DOCK1: variants seen among roughly 807,000 people sequenced by gnomAD.
DOCK1 encodes the protein dedicator of cytokinesis 1, also known as dedicator of cytokinesis protein 1.
DOCK1 carries 138 observed loss-of-function variants against 262.7 expected under a neutral mutation model. The observed-to-expected ratio is 0.53, with a 90% CI of 0.46 to 0.61. The LOEUF is 0.61. DOCK1 is among the 20% of genes least tolerant of loss of function. DOCK1 has a pLI of 0.00. For missense variants in DOCK1, 1,908 were observed against 2,370.7 expected (o/e 0.80, Z 4.05); for synonymous variants, 866 against 867.4 (o/e 1.00, Z 0.03).
chr10:127,160,379 C>A lies in DOCK1; in HGVS notation c.2847+32615C>A, dbSNP rs11016543. On this transcript the variant is annotated intron_variant, in intron 27 of 51. Transcript: ENST00000623213. Reference sequence around the variant, plus strand: ...CAATGGAAAGTTCTCTTCTCACATTCCTGGGTGACTGGATGGGGCATTTGT... The same window carrying A: ...CAATGGAAAGTTCTCTTCTCACATTACTGGGTGACTGGATGGGGCATTTGT... Among the ~76,000 whole-genome samples, 130 of 152,310 alleles carry A rather than the reference C, an allele frequency of 8.5e-4. 1 individual carries two copies. In the East Asian group the frequency reaches 0.019, roughly 22 times the overall value.
chr10:127,352,302 G>A (rs1225415613), intron 31 of DOCK1, among the ~76,000 whole-genome samples: 1 of 103,964 alleles, frequency 9.6e-6, no homozygotes, highest in Non-Finnish European at 2.0e-5. Flanking sequence ...GGGGAGGGGT[G>A]AAGAGGAGCG....
Position 127,409,140 on chromosome 10 carries a change from C to A in DOCK1, c.4226C>A (p.Ser1409Tyr). ...AACGCCGAGAAAATGAAGACAACAT[C>A]TCCACCAGGCGACGATATTAAAAAC... is the stretch of plus-strand genomic sequence containing the variant. ...FPNAEKMKTT[S>Y]PPGDDIKNSP... The change falls in exon 41 of 52, where the codon TCT (serine) becomes TAT (tyrosine). Residue 1409 changes from serine (S) to tyrosine (Y), a missense_variant. Physicochemically the swap from Ser to Tyr is moderately radical, Grantham distance 144. Transcript: ENST00000623213. 6.2e-7 allele frequency: 1 copy of A among 1,612,708 alleles called. No individual in the cohort carries two copies. The highest frequency in any genetic ancestry group is 8.5e-7 in the Non-Finnish European group (1 of 1,179,320).
At chr10:127,006,012 C>T (rs2040989265) in intron 10 of DOCK1, among the ~76,000 whole-genome samples, 1 of 152,206 alleles carries the variant, frequency 6.6e-6, no homozygotes, top group South Asian at 2.1e-4. Flanking sequence ...GCCTGTAGTC[C>T]TGTGATTCCA....
At chr10:126,962,571 A>C (rs1350337372) in intron 1 of DOCK1, among the ~76,000 whole-genome samples, 1 of 152,232 alleles carries the variant, frequency 6.6e-6, no homozygotes, top group African/African-American at 2.4e-5. Context: ...TGCTGGGATT[A>C]CAGGCATGAA....
chr10:127,208,211 C>T (rs1266328666), intron 27 of DOCK1, among the ~76,000 whole-genome samples: 1 of 152,140 alleles, frequency 6.6e-6, no homozygotes, highest in East Asian at 1.9e-4. Context: ...TGGGAATGCT[C>T]CAGTTATGGG....
intron 38 of DOCK1, among the ~76,000 whole-genome samples, chr10:127,390,685 A>C (rs942780191): frequency 6.6e-6 from 1 of 152,066 alleles, no homozygotes; most frequent in Non-Finnish European, 1.5e-5. Flanking sequence ...AACAGTGAGG[A>C]AGTGAATGAA....
intron 38 of DOCK1, among the ~76,000 whole-genome samples, chr10:127,398,042 C>G (rs1356806494): frequency 1.3e-5 from 2 of 152,122 alleles, no homozygotes; most frequent in East Asian, 1.9e-4. Context: ...TGCAGTGGCT[C>G]CAGTATGACA....
At chr10:127,037,621 C>A in intron 18 of DOCK1, 98 bp from the exon 19 acceptor site, 1 of 1,067,984 alleles carries the variant, frequency 9.4e-7, no homozygotes, top group Non-Finnish European at 1.3e-6. Flanking sequence ...TTTCTCTGTT[C>A]ACAAAATTTT....
At position 127,439,770 on chromosome 10, in the gene DOCK1, A is replaced by T. The variant is rs116255212; in HGVS notation, c.5259+545A>T. On this transcript the variant is annotated intron_variant, in intron 49 of 51. Coordinates refer to ENST00000623213, the MANE Select transcript of DOCK1 (RefSeq NM_001290223.2). ...CCTTTAAATCTCCTGGCCGTCTTTC[A>T]CAAGGACTTAACAGGGACTTCACAT... Among the ~76,000 whole-genome samples the T allele has an allele frequency of 7.4e-3, 1,121 of 152,210 alleles. 22 individuals are homozygous for T. The highest frequency in any genetic ancestry group is 0.026 in the African/African-American group (1,074 of 41,538).
At chr10:126,970,471 A>T (rs980347418) in intron 1 of DOCK1, among the ~76,000 whole-genome samples, 18 of 152,300 alleles carry the variant, frequency 1.2e-4, no homozygotes, top group African/African-American at 4.3e-4. Context: ...TATGTCACTT[A>T]TGGTCATCTG....
In DOCK1 at chr10:127,085,067, GGCCTCTGTAATAATGGAGAA is replaced by G. The variant is rs528806372; in HGVS notation, c.2446-21159_2446-21140del. 9.2e-5 allele frequency among the ~76,000 whole-genome samples: 14 copies of G among 152,246 alleles called. No individual in the cohort carries two copies. In the East Asian group the frequency reaches 1.3e-3, roughly 15 times the overall value. ...TTCTCACCTCTTCCTCTCAACTCCT[GGCCTCTGTAATAATGGAGAA>G]GCCTTGGGCCTGGAATTTGGAGGGG... On this transcript the variant is annotated intron_variant, in intron 23 of 51. Transcript: ENST00000623213.
chr10:126,906,551 C>T (rs1364957270), intron 1 of DOCK1, among the ~76,000 whole-genome samples: 1 of 152,190 alleles, frequency 6.6e-6, no homozygotes, highest in Non-Finnish European at 1.5e-5. Flanking sequence ...GACCGCCTGC[C>T]TCATCCAGGC....
At chr10:127,079,618 C>T (rs575503071) in intron 23 of DOCK1, among the ~76,000 whole-genome samples, 10 of 152,260 alleles carry the variant, frequency 6.6e-5, no homozygotes, top group African/African-American at 2.4e-4. Flanking sequence ...AATTAGCACA[C>T]CAGTTGTGTG....
chr10:126,929,026 A>G (rs1485676930), intron 1 of DOCK1, among the ~76,000 whole-genome samples: 5 of 152,202 alleles, frequency 3.3e-5, no homozygotes, highest in African/African-American at 1.2e-4. Context: ...CTCTCTGTCT[A>G]GAAAGACTGT....
intron 1 of DOCK1, among the ~76,000 whole-genome samples, chr10:126,964,518 A>G (rs1257430020): frequency 6.6e-6 from 1 of 152,268 alleles, no homozygotes; most frequent in African/African-American, 2.4e-5. Context: ...CCCAGCCCTG[A>G]GAAGATGCAT....
intron 20 of DOCK1, 98 bp downstream of exon 20, chr10:127,042,812 G>C: frequency 7.9e-7 from 1 of 1,269,628 alleles, no homozygotes. Flanking sequence ...CAGTGACCTT[G>C]AACGCATTTT....
At chr10:127,167,492 G>T (rs1352030013) in intron 27 of DOCK1, among the ~76,000 whole-genome samples, 1 of 152,118 alleles carries the variant, frequency 6.6e-6, no homozygotes, top group African/African-American at 2.4e-5. Flanking sequence ...ATGGAGATCT[G>T]CAGCGAGGTT....
chr10:127,005,748 A>T (rs9418673), intron 10 of DOCK1, among the ~76,000 whole-genome samples: 72,866 of 151,822 alleles, frequency 0.48, 17,404 homozygotes, highest in South Asian at 0.53. Context: ...TTTCCAAATT[A>T]TTTTTTCTGT....
At chr10:127,229,106 G>A (rs542831864) in intron 27 of DOCK1, among the ~76,000 whole-genome samples, 6 of 152,124 alleles carry the variant, frequency 3.9e-5, no homozygotes, top group South Asian at 4.2e-4. Context: ...GTGGTGGTGC[G>A]CACCTGTAAT....
Sources: gnomAD v4.1 joint callset for allele counts (sites outside exome capture counted in the v4.1 genomes callset) on GRCh38, gnomAD v4.1.1 for gene constraint, MANE v1.5 for transcripts, NCBI Gene and HGNC (gene_info 2026-07-23, HGNC 2026-07-21) for gene names.